LRRK1: variants seen among roughly 807,000 people sequenced by gnomAD.
The protein encoded by LRRK1 is leucine rich repeat kinase 1.
LRRK1 carries 113 observed loss-of-function variants against 209.1 expected under a neutral mutation model. The ratio of observed to expected loss-of-function variants is 0.54; its 90% CI spans 0.46 to 0.63. The LOEUF is 0.63. LRRK1 is among the 30% of genes least tolerant of loss of function. LRRK1 has a pLI of 0.00. For missense variants in LRRK1, 2,284 were observed against 2,632.2 expected, an observed-to-expected ratio of 0.87 and a Z score of 2.89; for synonymous variants, 1,144 against 1,099.7, an observed-to-expected ratio of 1.04 and a Z score of -0.80.
intron 6 of LRRK1, among the ~76,000 whole-genome samples, chr15:100,996,156 A>T (rs4995826): frequency 0.32 from 49,278 of 152,156 alleles, 8,626 homozygotes; most frequent in East Asian, 0.51. Flanking sequence ...CTGGGGAACA[A>T]CCCTGTCTTA....
chr15:101,022,568 C>A lies in LRRK1; in HGVS notation c.2038C>A (p.Leu680Ile). 1 of 1,612,988 alleles carries A rather than the reference C, an allele frequency of 6.2e-7. No individual in the cohort carries two copies. Among genetic ancestry groups the A allele is most frequent in the Non-Finnish European group, 8.5e-7 (1 of 1,179,796 alleles). Residue 680 changes from leucine to isoleucine, a missense_variant, in exon 15 of 34, where the codon CTC becomes ATC. Leu to Ile is a conservative substitution (Grantham distance 5). This residue lies in a region of LRRK1 where 780 missense variants were observed against 985.2 expected (regional missense o/e 0.79). Transcript: ENST00000388948. The surrounding 1 kb of genome is among the most constrained non-coding windows in gnomAD (Gnocchi z 4.0). ...EATIRTTKWELQRPAGSRAKV... is the reference protein window; with the variant it reads ...EATIRTTKWEIQRPAGSRAKV... Reference sequence around the variant, plus strand: ...CACCATCAGGACCACCAAGTGGGAGCTCCAGAGGCCGGCTGGCTCGAGAGC... The same window carrying A: ...CACCATCAGGACCACCAAGTGGGAGATCCAGAGGCCGGCTGGCTCGAGAGC...
intron 29 of LRRK1, among the ~76,000 whole-genome samples, 153 bp downstream of exon 29, chr15:101,058,294 G>T (rs2035932370): frequency 6.6e-6 from 1 of 151,876 alleles, no homozygotes; most frequent in Non-Finnish European, 1.5e-5. Context: ...AAAGAGCAGG[G>T]AGAGCAGAAG....
At chr15:100,990,537 T>C (rs1018503813) in intron 6 of LRRK1, among the ~76,000 whole-genome samples, 5 of 152,144 alleles carry the variant, frequency 3.3e-5, no homozygotes, top group Non-Finnish European at 7.4e-5. Flanking sequence ...CCTATTAATT[T>C]TCATCAGTGT....
At chr15:101,017,607 G>A (rs74040229) in intron 12 of LRRK1, among the ~76,000 whole-genome samples, 2,550 of 152,162 alleles carry the variant, frequency 0.017, 54 homozygotes, top group African/African-American at 0.05. Context: ...TGTGAACCGC[G>A]TCTGTGAGGG....
Position 101,077,577 on chromosome 15 carries a change from A to G in LRRK1, c.*8729A>G, listed in dbSNP as rs1338427290. 2 of 152,040 alleles carry G rather than the reference A, an allele frequency of 1.3e-5. No individual in the cohort carries two copies. Among genetic ancestry groups the G allele is most frequent in the African/African-American group, 4.8e-5 (2 of 41,376 alleles). 9.4% of individuals were successfully genotyped at this position (152,040 alleles called of 1,614,324 possible). ...CGTTTAGTTTTTCAATTCATACAAAACCGTATCCAGGTCATCACCAATAAT... is the reference window on the plus strand; with the variant it reads ...CGTTTAGTTTTTCAATTCATACAAAGCCGTATCCAGGTCATCACCAATAAT... On this transcript the variant is annotated 3_prime_UTR_variant, in exon 34 of 34. Transcript: ENST00000388948.
rs3752321 is a variant in LRRK1 at position 101,068,804 on chromosome 15, G to C, written c.6004G>C (p.Glu2002Gln). ...GTTCGACATTTTCTACCAGTCCTACGAGGAGCTGGGCCGGCTGGAGGCTTG... is the reference window on the plus strand; with the variant it reads ...GTTCGACATTTTCTACCAGTCCTACCAGGAGCTGGGCCGGCTGGAGGCTTG... ...REFDIFYQSY[E>Q]ELGRLEACTR... Residue 2002 changes from glutamate (E) to glutamine (Q), a missense_variant, in exon 34 of 34, where the codon GAG (glutamate) becomes CAG (glutamine). This residue lies in a region of LRRK1 where 643 missense variants were observed against 695.9 expected (regional missense o/e 0.92). Coordinates refer to ENST00000388948, the MANE Select transcript of LRRK1 (RefSeq NM_024652.6). 1.2e-6 allele frequency: 2 copies of C among 1,612,358 alleles called. No individual in the cohort carries two copies. The highest frequency in any genetic ancestry group is 2.2e-5 in the South Asian group (2 of 90,924).
At chr15:100,998,823 G>T (rs1438180030) in intron 6 of LRRK1, among the ~76,000 whole-genome samples, 1 of 151,250 alleles carries the variant, frequency 6.6e-6, no homozygotes, top group Non-Finnish European at 1.5e-5. Flanking sequence ...TGGATGAATG[G>T]ATGGATAGAT....
chr15:101,031,652 G>A (rs1398273065), intron 20 of LRRK1, among the ~76,000 whole-genome samples: 1 of 151,960 alleles, frequency 6.6e-6, no homozygotes, highest in African/African-American at 2.4e-5. Flanking sequence ...TAGAGTGTAA[G>A]TTTAATTTTA....
At chr15:101,013,958 C>T (rs922020497) in intron 10 of LRRK1, among the ~76,000 whole-genome samples, 12 of 152,186 alleles carry the variant, frequency 7.9e-5, no homozygotes, top group Non-Finnish European at 4.4e-5. Context: ...AGCCGTGAGC[C>T]GTTGTCCTCC....
chr15:101,043,759 G>C (rs1467169464), intron 20 of LRRK1: 1 of 152,186 alleles, frequency 6.6e-6, no homozygotes, highest in Non-Finnish European at 1.5e-5. Context: ...TCTGCATAAT[G>C]GGTATAATAT....
chr15:101,053,274 A>T lies in LRRK1; in HGVS notation c.3908A>T (p.Glu1303Val). The T allele has an allele frequency of 1.2e-6, 2 of 1,606,842 alleles. No homozygotes were observed. The highest frequency in any genetic ancestry group is 1.7e-6 in the Non-Finnish European group (2 of 1,179,948). The change falls in exon 26 of 34, where the codon GAG (glutamate) becomes GTG (valine). Residue 1303 changes from glutamate to valine, a missense_variant. By Grantham distance (121) the Glu-to-Val change is moderately radical. Transcript: ENST00000388948. ...ACCGATGCCATGAAGAACTTCTCCG[A>T]GTTCCGGCAGGAGGCCAGCATGCTG... ...RATDAMKNFS[E>V]FRQEASMLHA...
In LRRK1 at chr15:101,063,382, G is replaced by T. The variant is rs534823218; in HGVS notation, c.4914+692G>T. 3.2e-3 allele frequency among the ~76,000 whole-genome samples: 494 copies of T among 152,274 alleles called. 3 individuals carry two copies. Among genetic ancestry groups the T allele is most frequent in the African/African-American group, 0.012 (479 of 41,556 alleles). On this transcript the variant is annotated intron_variant, in intron 31 of 33. Transcript: ENST00000388948. ...GCCCTTGACATCCCAGCCTCCTCCA[G>T]GAACAGCCCCTCCACGCACCTCTTC...
intron 12 of LRRK1, among the ~76,000 whole-genome samples, chr15:101,018,227 G>A (rs1396080429): frequency 2.7e-5 from 4 of 149,892 alleles, no homozygotes; most frequent in African/African-American, 9.9e-5. Flanking sequence ...AAATGGGCAA[G>A]GGATATAAAC....
At chr15:101,067,772 A>C (rs1160697083) in intron 33 of LRRK1, among the ~76,000 whole-genome samples, 1 of 152,162 alleles carries the variant, frequency 6.6e-6, no homozygotes, top group Non-Finnish European at 1.5e-5. Context: ...CCTTGAACTG[A>C]TGGAGTTCCC....
At chr15:100,987,215 C>T (rs2031923352) in intron 4 of LRRK1, among the ~76,000 whole-genome samples, 1 of 152,122 alleles carries the variant, frequency 6.6e-6, no homozygotes, top group Admixed American at 6.5e-5. Context: ...CCATCCTGAC[C>T]CCGGTTTCCT....
intron 6 of LRRK1, among the ~76,000 whole-genome samples, chr15:100,997,835 C>G (rs1445258976): frequency 6.6e-6 from 1 of 152,182 alleles, no homozygotes; most frequent in Non-Finnish European, 1.5e-5. Context: ...GTGATGGCCA[C>G]AAACATGGCC....
At chr15:100,939,944 G>A (rs1393790448) in intron 2 of LRRK1, among the ~76,000 whole-genome samples, 4 of 152,116 alleles carry the variant, frequency 2.6e-5, no homozygotes, top group Middle Eastern at 3.4e-3. Context: ...TGATGCTAAC[G>A]CTGTTCCTCT....
In LRRK1 at chr15:101,022,101, G is replaced by T; in HGVS notation, c.1852+144G>T. On this transcript the variant is annotated intron_variant, in intron 14 of 33. Transcript: ENST00000388948. This position sits in a 1 kb window ranked among gnomAD's most constrained non-coding sequence, Gnocchi z 4.0. ...AGATTTGACAAGATGCTATAAAATT[G>T]TCCCTAAAGCAATCGTTACTGAGGG... is the stretch of plus-strand genomic sequence containing the variant. 1.5e-6 allele frequency: 1 copy of T among 660,272 alleles called. No individual in the cohort carries two copies. Among genetic ancestry groups the T allele is most frequent in the Non-Finnish European group, 2.6e-6 (1 of 386,890 alleles). The allele number at this position is 660,272 out of a possible 1,614,324, so 40.9% of individuals were successfully genotyped here.
chr15:101,030,047 C>G (rs972695120), intron 20 of LRRK1, among the ~76,000 whole-genome samples: 6 of 152,190 alleles, frequency 3.9e-5, no homozygotes, highest in African/African-American at 1.4e-4. Flanking sequence ...TTGCCTCTTT[C>G]TGTGGACTTC....
Sources: allele counts gnomAD v4.1 joint callset (sites outside exome capture counted in the v4.1 genomes callset), GRCh38; gene constraint gnomAD v4.1.1; regional missense constraint gnomAD v4.1.1; non-coding constraint Gnocchi (gnomAD v3.1); transcripts MANE v1.5; gene names NCBI Gene and HGNC (gene_info 2026-07-23, HGNC 2026-07-21).